RNF130: variants seen among roughly 807,000 people sequenced by gnomAD.
RNF130 encodes the protein E3 ubiquitin-protein ligase RNF130.
Under a neutral mutation model 44.6 loss-of-function variants are expected in RNF130, and 21 were observed. The observed-to-expected ratio is 0.47, with a 90% CI of 0.33 to 0.68. RNF130 has a LOEUF of 0.68. RNF130 is among the 30% of genes least tolerant of loss of function. The pLI is 0.02. For synonymous variants in RNF130, 214 were observed against 210.4 expected (o/e 1.02, Z -0.15); for missense variants, 479 against 560.6 (o/e 0.85, Z 1.47).
downstream of RNF130, among the ~76,000 whole-genome samples, chr5:179,952,515 A>C (rs370085099): frequency 6.6e-6 from 1 of 152,340 alleles, no homozygotes. Context: ...CCAGCATTAC[A>C]ATAATACCAA....
chr5:179,991,726 C>T (rs948926208), intron 3 of RNF130, among the ~76,000 whole-genome samples: 8 of 152,026 alleles, frequency 5.3e-5, no homozygotes, highest in African/African-American at 1.9e-4. Flanking sequence ...GATTCAAGCA[C>T]ATTACATTTA....
rs578103836 is a variant in RNF130 at position 179,965,650 on chromosome 5, C to T, written c.1150+1156G>A. Among the ~76,000 whole-genome samples, 9 of 152,194 alleles carry T rather than the reference C, an allele frequency of 5.9e-5. No individual in the cohort carries two copies. In the South Asian group the frequency reaches 1.4e-3, roughly 25 times the overall value. On this transcript the variant is annotated intron_variant, in intron 7 of 8. Transcript: ENST00000521389. ...AAAACTGTAGACCATAAAACCTCAA[C>T]GCCAAAGTAAGAAAACCATGAAATG...
chr5:180,011,477 T>C (rs1763595477), intron 3 of RNF130, among the ~76,000 whole-genome samples: 1 of 152,286 alleles, frequency 6.6e-6, no homozygotes, highest in Middle Eastern at 3.4e-3. Flanking sequence ...TTAAGGTATA[T>C]ATACAAAGGT....
At chr5:179,965,326 G>A (rs902365346) in intron 7 of RNF130, among the ~76,000 whole-genome samples, 6 of 152,328 alleles carry the variant, frequency 3.9e-5, no homozygotes, top group African/African-American at 7.2e-5. Flanking sequence ...TGGTTGCTAC[G>A]GTGCCCAGGG....
Position 180,071,484 on chromosome 5 carries a change from C to G in RNF130, c.219G>C (p.Gln73His). ...CGTGGAGGGGCAGCGGCGCCAGCAC[C>G]TGGCCGCGGACCTCGGCCTTGGGGG... ...LDSPKAEVRGQVLAPLPLHGV... is the reference protein window; with the variant it reads ...LDSPKAEVRGHVLAPLPLHGV... The change falls in exon 1 of 9, where the codon CAG becomes CAC. Residue 73 changes from glutamine to histidine, a missense_variant. Around this residue, in one of 3 missense-constraint regions of RNF130, gnomAD observed 138 missense variants for 126.9 expected, o/e 1.09. Transcript: ENST00000521389. 8.0e-7 allele frequency: 1 copy of G among 1,255,130 alleles called. No homozygotes were observed. The highest frequency in any genetic ancestry group is 1.0e-6 in the Non-Finnish European group (1 of 997,742). 77.7% of individuals were successfully genotyped at this position (1,255,130 alleles called of 1,614,324 possible). A position where few individuals can be genotyped will look rare whatever the true frequency, so the allele number is the denominator to read the frequency against.
intron 3 of RNF130, among the ~76,000 whole-genome samples, chr5:180,005,597 A>G (rs1163067678): frequency 6.6e-6 from 1 of 151,580 alleles, no homozygotes; most frequent in African/African-American, 2.4e-5. Context: ...CAGTCATTCA[A>G]CTCTTTCATC....
At chr5:180,000,773 G>A (rs1763316262) in intron 3 of RNF130, among the ~76,000 whole-genome samples, 1 of 152,076 alleles carries the variant, frequency 6.6e-6, no homozygotes, top group South Asian at 2.1e-4. Flanking sequence ...TTTATATTGT[G>A]AACTGTTTCC....
At chr5:179,974,279 C>T (rs1762661102) in intron 5 of RNF130, among the ~76,000 whole-genome samples, 1 of 152,204 alleles carries the variant, frequency 6.6e-6, no homozygotes, top group African/African-American at 2.4e-5. Flanking sequence ...AACATACGTT[C>T]ATCCACGCGG....
At chr5:179,985,910 T>G (rs1360280924) in intron 3 of RNF130, among the ~76,000 whole-genome samples, 1 of 152,254 alleles carries the variant, frequency 6.6e-6, no homozygotes, top group African/African-American at 2.4e-5. Context: ...ATTTTCTTAA[T>G]GAAATCTGGG....
intron 1 of RNF130, among the ~76,000 whole-genome samples, chr5:180,066,460 C>T (rs1247248262): frequency 6.6e-6 from 1 of 152,146 alleles, no homozygotes; most frequent in Non-Finnish European, 1.5e-5. Flanking sequence ...CCCAATATGA[C>T]TAATATACTC....
chr5:180,062,188 G>A (rs953304318), intron 1 of RNF130, among the ~76,000 whole-genome samples: 4 of 151,898 alleles, frequency 2.6e-5, no homozygotes. Context: ...CTGAGTAGCT[G>A]GGACTACAGG....
At chr5:179,985,145 C>G (rs1229226423) in intron 3 of RNF130, among the ~76,000 whole-genome samples, 1 of 139,528 alleles carries the variant, frequency 7.2e-6, no homozygotes, top group Non-Finnish European at 1.5e-5. Flanking sequence ...AAACCCTTTA[C>G]CCCCTAACTT....
chr5:180,052,301 T>C (rs1055301437), intron 1 of RNF130, among the ~76,000 whole-genome samples: 3 of 152,216 alleles, frequency 2.0e-5, no homozygotes, highest in Admixed American at 1.3e-4. Context: ...CCAAACTTAT[T>C]AGCTTCCTCT....
chr5:180,067,918 AT>A (rs1765144252), intron 1 of RNF130, among the ~76,000 whole-genome samples: 1 of 152,244 alleles, frequency 6.6e-6, no homozygotes, highest in Non-Finnish European at 1.5e-5. Flanking sequence ...TAAAGGAACC[AT>A]TAAAGGCTTC....
chr5:179,987,750 T>C (rs748596344), intron 3 of RNF130, among the ~76,000 whole-genome samples: 6 of 152,276 alleles, frequency 3.9e-5, no homozygotes, highest in Non-Finnish European at 5.9e-5. Flanking sequence ...CTTTATTCTG[T>C]TGATGTGAAA....
intron 1 of RNF130, among the ~76,000 whole-genome samples, chr5:180,054,823 G>T (rs1401490408): frequency 1.3e-5 from 2 of 152,188 alleles, no homozygotes; most frequent in Non-Finnish European, 2.9e-5. Context: ...CTATGAACAT[G>T]AAAAGTCTGT....
chr5:179,950,397 G>A (rs1582135914), downstream of RNF130, among the ~76,000 whole-genome samples: 1 of 152,186 alleles, frequency 6.6e-6, no homozygotes, highest in Non-Finnish European at 1.5e-5. Flanking sequence ...GATTACAGGT[G>A]TGAGCCACCC....
intron 3 of RNF130, among the ~76,000 whole-genome samples, chr5:179,986,241 C>G (rs1404229825): frequency 6.6e-6 from 1 of 152,174 alleles, no homozygotes; most frequent in Non-Finnish European, 1.5e-5. Context: ...ATAGATTTTT[C>G]TGTCCTTTTA....
intron 2 of RNF130, among the ~76,000 whole-genome samples, chr5:180,018,021 C>T (rs955053196): frequency 7.2e-5 from 11 of 152,148 alleles, no homozygotes; most frequent in African/African-American, 2.2e-4. Flanking sequence ...TCAGGCTGGG[C>T]GTGGTGGTTC....
Sources: gnomAD v4.1 joint callset for allele counts (sites outside exome capture counted in the v4.1 genomes callset) on GRCh38, gnomAD v4.1.1 for gene constraint, gnomAD v4.1.1 regional missense constraint, MANE v1.5 for transcripts, NCBI Gene and HGNC (gene_info 2026-07-23, HGNC 2026-07-21) for gene names.